Variants in FRY observed in about 807,000 individuals in gnomAD.
FRY encodes the protein FRY microtubule binding protein.
Under a neutral mutation model 348.4 loss-of-function variants are expected in FRY, and 128 were observed. The ratio of observed to expected loss-of-function variants is 0.37; its 90% CI spans 0.32 to 0.43. The LOEUF is 0.43. Ranked by LOEUF, FRY falls within the 20% of genes least tolerant of loss-of-function variation. The probability of loss-of-function intolerance (pLI) is 1.00; values close to 1 mark genes in which losing one functional copy is unlikely to be tolerated. For synonymous variants in FRY, 1,370 were observed against 1,374.7 expected, an observed-to-expected ratio of 1.00 and a Z score of 0.08; for missense variants, 2,736 against 3,695.2, an observed-to-expected ratio of 0.74 and a Z score of 6.73.
chr13:32,212,958 ACT>A (rs1479860943), intron 35 of FRY, among the ~76,000 whole-genome samples: 1 of 151,926 alleles, frequency 6.6e-6, no homozygotes, highest in Non-Finnish European at 1.5e-5. Flanking sequence ...AATCAGAGTC[ACT>A]CTTTCCTGCA....
chr13:32,071,343 G>A (rs1485571004), intron 1 of FRY, among the ~76,000 whole-genome samples: 1 of 152,184 alleles, frequency 6.6e-6, no homozygotes, highest in African/African-American at 2.4e-5. Flanking sequence ...TCCTATCCAT[G>A]TGCATTGAAT....
intron 3 of FRY, among the ~76,000 whole-genome samples, chr13:32,116,044 C>T (rs1185984564): frequency 6.6e-6 from 1 of 152,106 alleles, no homozygotes; most frequent in Non-Finnish European, 1.5e-5. Context: ...AATTCCACAT[C>T]TTATTAAGCA....
chr13:32,167,070 GA>G (rs1881783203), intron 17 of FRY, among the ~76,000 whole-genome samples: 1 of 152,212 alleles, frequency 6.6e-6, no homozygotes, highest in African/African-American at 2.4e-5. Context: ...AATTGTGCGT[GA>G]GAGCAAAGTT....
chr13:32,120,066 T>TTTA (rs1350133496), intron 4 of FRY, among the ~76,000 whole-genome samples: 1 of 152,208 alleles, frequency 6.6e-6, no homozygotes, highest in East Asian at 1.9e-4. Context: ...ATAGTCTTGA[T>TTTA]TTATTTTGAA....
chr13:32,214,825 C>T, intron 35 of FRY, among the ~76,000 whole-genome samples: 1 of 152,130 alleles, frequency 6.6e-6, no homozygotes, highest in Non-Finnish European at 1.5e-5. Context: ...GTTAACACAC[C>T]TCAGGAGTGA....
intron 1 of FRY, among the ~76,000 whole-genome samples, chr13:32,070,769 G>A (rs1213350408): frequency 3.3e-5 from 5 of 152,090 alleles, no homozygotes; most frequent in Non-Finnish European, 5.9e-5. Context: ...TGGTGTTTTA[G>A]TCATGAAGTC....
chr13:32,106,775 A>G (rs377593798), intron 3 of FRY, among the ~76,000 whole-genome samples: 2 of 152,192 alleles, frequency 1.3e-5, no homozygotes, highest in East Asian at 3.8e-4. Context: ...TACCTAAGGA[A>G]GAAGAAAAGA....
intron 55 of FRY, among the ~76,000 whole-genome samples, chr13:32,272,717 T>G (rs868827977): frequency 6.6e-6 from 1 of 152,058 alleles, no homozygotes; most frequent in South Asian, 2.1e-4. Context: ...AAAAGTGTTT[T>G]TTTGTTTGTT....
chr13:32,192,985 C>T (rs188180853), intron 28 of FRY, among the ~76,000 whole-genome samples: 4 of 151,788 alleles, frequency 2.6e-5, no homozygotes, highest in East Asian at 1.9e-4. Flanking sequence ...TCAAGTGATG[C>T]GCCTGCCTGG....
chr13:32,055,974 C>T (rs886942511), intron 1 of FRY, among the ~76,000 whole-genome samples: 3 of 151,976 alleles, frequency 2.0e-5, no homozygotes, highest in Admixed American at 6.6e-5. Context: ...GGGCAGATCA[C>T]GAGGTCAGGA....
intron 4 of FRY, among the ~76,000 whole-genome samples, chr13:32,123,316 C>T (rs1187615611): frequency 6.6e-6 from 1 of 152,208 alleles, no homozygotes; most frequent in African/African-American, 2.4e-5. Flanking sequence ...GTCACCACAA[C>T]CACGTGCTTC....
At chr13:32,093,407 T>C (rs998459760) in intron 2 of FRY, among the ~76,000 whole-genome samples, 1 of 152,232 alleles carries the variant, frequency 6.6e-6, no homozygotes, top group Non-Finnish European at 1.5e-5. Flanking sequence ...CTCTTTTTTT[T>C]ACCCTCTCAA....
rs193120945 is a variant in FRY, at chr13:32,239,736, A to C, written c.6542A>C (p.Lys2181Thr). ...AQVCLEEKNP[K>T]LSNLAHVMTL... ...GTTTGTTTAGAAGAGAAGAACCCCA[A>C]ACTTTCAAATCTTGCACATGTCATG... The change falls in exon 46 of 61, where the codon AAA becomes ACA. Residue 2181 changes from lysine (K) to threonine (T), a missense_variant. By Grantham distance (78) the Lys-to-Thr change is moderately conservative. Around this residue, in one of 9 missense-constraint regions of FRY, gnomAD observed 789 missense variants for 996.2 expected, o/e 0.79. Coordinates refer to ENST00000542859, the MANE Select transcript of FRY (RefSeq NM_023037.3). This position sits in a 1 kb window ranked among gnomAD's most constrained non-coding sequence, Gnocchi z 4.3. 6.2e-7 allele frequency: 1 copy of C among 1,613,712 alleles called. No homozygotes were observed. Among genetic ancestry groups the C allele is most frequent in the African/African-American group, 1.3e-5 (1 of 75,028 alleles).
chr13:32,051,186 G>T (rs1255644337), intron 1 of FRY, among the ~76,000 whole-genome samples: 2 of 152,208 alleles, frequency 1.3e-5, no homozygotes, highest in Non-Finnish European at 2.9e-5. Context: ...GTAGTTGGGT[G>T]AGGAAAATGA....
chr13:32,239,863 G>T lies in FRY; in HGVS notation c.6669G>T (p.Met2223Ile), dbSNP rs540331876. 2.5e-6 allele frequency: 4 copies of T among 1,613,896 alleles called. No individual in the cohort carries two copies. In the South Asian group the frequency reaches 4.4e-5, roughly 18 times the overall value. Residue 2223 changes from methionine (M) to isoleucine (I), a missense_variant, in exon 46 of 61, where the codon ATG (methionine) becomes ATT (isoleucine). Transcript: ENST00000542859. The surrounding 1 kb of genome is among the most constrained non-coding windows in gnomAD (Gnocchi z 4.3). ...CATATGCTGACATTACCTTGAATAT[G>T]GTTACCTACCTGGCAGAGGTAAGCT... ...HEAYADITLN[M>I]VTYLAELLEK...
At chr13:32,226,208 T>A (rs1183145931) in intron 39 of FRY, among the ~76,000 whole-genome samples, 2 of 152,254 alleles carry the variant, frequency 1.3e-5, no homozygotes, top group African/African-American at 2.4e-5. Context: ...ATATATATGA[T>A]TGCTGCCCCA....
rs9533355 is a variant in FRY, at chr13:32,070,015, C to T, written c.71-8819C>T. ...TGCTTAGAATGATGGTTTCCACCGT[C>T]ATCCATGTCCCTGCAAAGGACATGA... On this transcript the variant is annotated intron_variant, in intron 1 of 60. Coordinates refer to ENST00000542859, the MANE Select transcript of FRY (RefSeq NM_023037.3). 1.2e-3 allele frequency among the ~76,000 whole-genome samples: 184 copies of T among 152,188 alleles called. 1 individual carries two copies. Among genetic ancestry groups the T allele is most frequent in the Non-Finnish European group, 2.1e-3 (140 of 68,042 alleles).
rs564493923 is a variant in FRY at position 32,138,126 on chromosome 13, T to C, written c.1179+1154T>C. Among the ~76,000 whole-genome samples, 4 of 151,966 alleles carry C rather than the reference T, an allele frequency of 2.6e-5. No homozygotes were observed. The South Asian group carries it at 8.4e-4, about 32-fold the overall frequency. On this transcript the variant is annotated intron_variant, in intron 11 of 60. Transcript: ENST00000542859. ...AGGCCACTTTCAGGTTTGTTTTTTT[T>C]GTTTTGTTTTGTTTTTTTGTTTTTT...
intron 23 of FRY, among the ~76,000 whole-genome samples, chr13:32,181,238 T>C (rs1882688651): frequency 6.6e-6 from 1 of 152,116 alleles, no homozygotes; most frequent in South Asian, 2.1e-4. Flanking sequence ...CTGCGTAGGT[T>C]ACCAGTTAAC....
Sources: gnomAD v4.1 joint callset for allele counts (sites outside exome capture counted in the v4.1 genomes callset) on GRCh38, gnomAD v4.1.1 for gene constraint, gnomAD v4.1.1 regional missense constraint, Gnocchi (gnomAD v3.1) non-coding constraint, MANE v1.5 for transcripts, NCBI Gene and HGNC (gene_info 2026-07-23, HGNC 2026-07-21) for gene names.